ELOVL5: variants seen among roughly 807,000 people sequenced by gnomAD.
ELOVL5 encodes the protein ELOVL fatty acid elongase 5.
A neutral mutation model predicts 38.6 loss-of-function variants in ELOVL5; 8 were observed. The observed-to-expected ratio is 0.21, with a 90% CI of 0.12 to 0.37. The LOEUF (loss-of-function observed/expected upper bound fraction) is 0.37, where lower values mean the gene tolerates loss of function less well. Ranked by LOEUF, ELOVL5 falls within the 10% of genes least tolerant of loss-of-function variation. The pLI is 1.00. For synonymous variants in ELOVL5, 127 were observed against 133.7 expected (o/e 0.95, Z 0.34); for missense variants, 280 against 367.8 (o/e 0.76, Z 1.95).
chr6:53,295,565 C>T, intron 2 of ELOVL5, 77 bp downstream of exon 2: 1 of 912,674 alleles, frequency 1.1e-6, no homozygotes, highest in South Asian at 1.6e-5. Flanking sequence ...TCTACTATCT[C>T]CTCATGCAAT....
chr6:53,346,896 A>C (rs1214559636), intron 1 of ELOVL5, among the ~76,000 whole-genome samples: 2 of 152,240 alleles, frequency 1.3e-5, no homozygotes, highest in African/African-American at 2.4e-5. Flanking sequence ...AACCAAGAAG[A>C]AGCTGTTGAT....
intron 1 of ELOVL5, among the ~76,000 whole-genome samples, chr6:53,338,459 A>C (rs1769178787): frequency 6.6e-6 from 1 of 152,232 alleles, no homozygotes; most frequent in Non-Finnish European, 1.5e-5. Context: ...TAGAAACATG[A>C]GGTCCTGGGA....
chr6:53,332,962 G>A (rs1768872652), intron 1 of ELOVL5, among the ~76,000 whole-genome samples: 1 of 152,186 alleles, frequency 6.6e-6, no homozygotes, highest in South Asian at 2.1e-4. Context: ...CCTGGCTGAA[G>A]GAAGAAAAGC....
chr6:53,323,071 A>G (rs1283753407), intron 1 of ELOVL5, among the ~76,000 whole-genome samples: 2 of 152,188 alleles, frequency 1.3e-5, no homozygotes, highest in African/African-American at 2.4e-5. Context: ...CCGAGCCTGC[A>G]CTTGTTGGAA....
At chr6:53,288,828 G>A (rs909618646) in intron 3 of ELOVL5, among the ~76,000 whole-genome samples, 7 of 152,204 alleles carry the variant, frequency 4.6e-5, no homozygotes, top group African/African-American at 1.7e-4. Flanking sequence ...CACTTTGGGA[G>A]GCAGAGGTGG....
intron 2 of ELOVL5, chr6:53,294,033 G>A (rs1766880440): frequency 8.6e-7 from 1 of 1,157,032 alleles, no homozygotes; most frequent in Non-Finnish European, 1.1e-6. Context: ...ACATCAGACT[G>A]TTATTTTGTA....
intron 1 of ELOVL5, among the ~76,000 whole-genome samples, chr6:53,296,620 ACTTG>A (rs1767012126): frequency 6.6e-6 from 1 of 152,208 alleles, no homozygotes; most frequent in African/African-American, 2.4e-5. Flanking sequence ...TGTATATATT[ACTTG>A]CTTATTTTCA....
chr6:53,278,516 T>C (rs1338604790), intron 3 of ELOVL5, among the ~76,000 whole-genome samples: 2 of 152,200 alleles, frequency 1.3e-5, no homozygotes, highest in Non-Finnish European at 2.9e-5. Context: ...AACCTAACGT[T>C]CCATTTGCCC....
At position 53,273,187 on chromosome 6, in the gene ELOVL5, G is replaced by T. The variant is rs756416091; in HGVS notation, c.621+33C>A. 5 of 1,611,436 alleles carry T rather than the reference G, an allele frequency of 3.1e-6. No individual in the cohort carries two copies. In the East Asian group the frequency reaches 6.7e-5, roughly 22 times the overall value. ...GGAAGAGGTCTGTATCCACCAGGAA[G>T]TAAGTCCTGGGGAAAGAGGCCAAGT... On this transcript the variant is annotated intron_variant, in intron 6 of 7. Coordinates refer to ENST00000304434, the MANE Select transcript of ELOVL5 (RefSeq NM_021814.5).
intron 1 of ELOVL5, among the ~76,000 whole-genome samples, chr6:53,308,893 G>A: frequency 8.7e-6 from 1 of 114,658 alleles, no homozygotes; most frequent in African/African-American, 3.4e-5. Flanking sequence ...AGGTGGGGCG[G>A]GGGGCGGGGA....
At chr6:53,346,349 T>A (rs189097414) in intron 1 of ELOVL5, among the ~76,000 whole-genome samples, 1 of 152,198 alleles carries the variant, frequency 6.6e-6, no homozygotes, top group Admixed American at 6.5e-5. Context: ...TTTGCTATTG[T>A]AAATGGTGCT....
In ELOVL5 at chr6:53,300,577, T is replaced by C. The variant is rs568521648; in HGVS notation, c.-8-4870A>G. Among the ~76,000 whole-genome samples the C allele has an allele frequency of 2.6e-5, 4 of 152,228 alleles. No individual in the cohort carries two copies. The South Asian group carries it at 8.3e-4, about 32-fold the overall frequency. On this transcript the variant is annotated intron_variant, in intron 1 of 7. Coordinates refer to ENST00000304434, the MANE Select transcript of ELOVL5 (RefSeq NM_021814.5). ...TGGCAACAGAGCAGAGCCTGAATGG[T>C]GACAGCAAGCCACACATCTACCAAG... is the stretch of plus-strand genomic sequence containing the variant.
intron 1 of ELOVL5, among the ~76,000 whole-genome samples, chr6:53,317,588 G>A (rs544227543): frequency 1.8e-4 from 28 of 151,844 alleles, no homozygotes; most frequent in Admixed American, 7.9e-4. Context: ...GGTGGGAACT[G>A]AACAATGAGA....
chr6:53,273,476 C>A, intron 5 of ELOVL5, 132 bp from the exon 6 acceptor site: 1 of 791,400 alleles, frequency 1.3e-6, no homozygotes, highest in Admixed American at 2.6e-5. Context: ...CTGACAAACA[C>A]TGCAACAGCA....
At chr6:53,334,281 T>C (rs1768945583) in intron 1 of ELOVL5, among the ~76,000 whole-genome samples, 1 of 152,028 alleles carries the variant, frequency 6.6e-6, no homozygotes, top group Non-Finnish European at 1.5e-5. Flanking sequence ...TCTTACAGTA[T>C]GAAAACCCAA....
chr6:53,318,900 A>C (rs1226095791), intron 1 of ELOVL5, among the ~76,000 whole-genome samples: 1 of 152,252 alleles, frequency 6.6e-6, no homozygotes, highest in Admixed American at 6.5e-5. Flanking sequence ...ACATAAAAAT[A>C]ACTTTATATT....
rs913644423 is a variant in ELOVL5, at chr6:53,288,589, T to A, written c.246+3187A>T. 7.2e-5 allele frequency among the ~76,000 whole-genome samples: 11 copies of A among 152,212 alleles called. No individual in the cohort carries two copies. The South Asian group carries it at 2.3e-3, about 32-fold the overall frequency. ...GTTAATGAGATATAGAAGTAATACC[T>A]CTTCTCTCCTTTTAATTTTGTTTCT... On this transcript the variant is annotated intron_variant, in intron 3 of 7. Transcript: ENST00000304434.
intron 1 of ELOVL5, among the ~76,000 whole-genome samples, chr6:53,347,638 G>C (rs1027844719): frequency 1.3e-5 from 2 of 152,074 alleles, no homozygotes; most frequent in Non-Finnish European, 2.9e-5. Context: ...TAGGCTGCTC[G>C]CTCCCCACAA....
intron 1 of ELOVL5, among the ~76,000 whole-genome samples, chr6:53,313,762 A>G (rs556450609): frequency 5.3e-5 from 8 of 152,220 alleles, no homozygotes; most frequent in African/African-American, 1.9e-4. Flanking sequence ...GCTTTCTTCC[A>G]TCTTTTGGAT....
Sources: gnomAD v4.1 joint callset for allele counts (sites outside exome capture counted in the v4.1 genomes callset) on GRCh38, gnomAD v4.1.1 for gene constraint, MANE v1.5 for transcripts, NCBI Gene and HGNC (gene_info 2026-07-23, HGNC 2026-07-21) for gene names.